Variants in POLD3 observed in about 807,000 individuals in gnomAD.
The protein encoded by POLD3 is DNA polymerase delta subunit 3.
Under a neutral mutation model 58.2 loss-of-function variants are expected in POLD3, and 19 were observed. The ratio of observed to expected loss-of-function variants is 0.33; its 90% confidence interval spans 0.23 to 0.48. The LOEUF (loss-of-function observed/expected upper bound fraction) is 0.48, where lower values mean the gene tolerates loss of function less well. Among genes scored for constraint, POLD3 ranks in the 20% least tolerant of loss-of-function variants. POLD3 has a pLI of 0.99. For synonymous variants in POLD3, 172 were observed against 193.5 expected (o/e 0.89, Z 0.92); for missense variants, 504 against 545.5 (o/e 0.92, Z 0.76).
intron 8 of POLD3, among the ~76,000 whole-genome samples, 182 bp downstream of exon 8, chr11:74,625,755 G>A (rs28669247): frequency 0.027 from 4,163 of 152,162 alleles, 224 homozygotes; most frequent in African/African-American, 0.095. Context: ...GAGTAGGACC[G>A]TAGGATCAGC....
At chr11:74,651,524 T>G (rs2033068503) in intron 4 of POLD3, among the ~76,000 whole-genome samples, 2 of 152,190 alleles carry the variant, frequency 1.3e-5, no homozygotes, top group Admixed American at 6.5e-5. Context: ...TGAACAATTA[T>G]GTAATGACCA....
intron 3 of POLD3, among the ~76,000 whole-genome samples, chr11:74,607,240 T>TATATA (rs761011170): frequency 9.2e-4 from 57 of 61,912 alleles, no homozygotes; most frequent in Non-Finnish European, 1.3e-3. Context: ...ATTATTATTA[T>TATATA]TATATATTTA....
intron 4 of POLD3, among the ~76,000 whole-genome samples, chr11:74,666,866 G>A (rs962286802): frequency 8.6e-5 from 13 of 151,548 alleles, no homozygotes; most frequent in Non-Finnish European, 1.2e-4. Flanking sequence ...AGACAGGCTG[G>A]TTATAGCATA....
chr11:74,628,555 C>G (rs1350140833), intron 8 of POLD3, among the ~76,000 whole-genome samples: 1 of 152,080 alleles, frequency 6.6e-6, no homozygotes, highest in Non-Finnish European at 1.5e-5. Context: ...GATGGAGTAT[C>G]CATTCATCCA....
rs2032899801 is a variant in POLD3, at chr11:74,641,016, G to C, written c.*250G>C. 1 of 1,139,394 alleles carries C rather than the reference G, an allele frequency of 8.8e-7. No homozygotes were observed. Among genetic ancestry groups the C allele is most frequent in the Non-Finnish European group, 1.1e-6 (1 of 929,732 alleles). 70.6% of individuals were successfully genotyped at this position (1,139,394 alleles called of 1,614,324 possible). A position where few individuals can be genotyped will look rare whatever the true frequency, so the allele number is the denominator to read the frequency against. Reference sequence around the variant, plus strand: ...ACAGTCTTTGACCTGTCCAGGAGAAGGATTTACTCCAAAATTATACTGGAA... The same window carrying C: ...ACAGTCTTTGACCTGTCCAGGAGAACGATTTACTCCAAAATTATACTGGAA... On this transcript the variant is annotated 3_prime_UTR_variant, in exon 12 of 12. Transcript: ENST00000263681.
chr11:74,666,463 A>G (rs2033269740), intron 4 of POLD3, among the ~76,000 whole-genome samples: 1 of 152,210 alleles, frequency 6.6e-6, no homozygotes, highest in African/African-American at 2.4e-5. Flanking sequence ...TCTACTAAAA[A>G]TACAAAAATT....
At chr11:74,610,701 A>G (rs2031881034) in intron 3 of POLD3, among the ~76,000 whole-genome samples, 1 of 151,806 alleles carries the variant, frequency 6.6e-6, no homozygotes, top group Non-Finnish European at 1.5e-5. Flanking sequence ...TTTGAATTAT[A>G]CTTAGGAAAT....
At chr11:74,606,474 A>G (rs2031680207) in intron 3 of POLD3, among the ~76,000 whole-genome samples, 2 of 152,332 alleles carry the variant, frequency 1.3e-5, no homozygotes, top group South Asian at 2.1e-4. Context: ...TCTTTAAAGC[A>G]GTGCTTTTTA....
At position 74,632,875 on chromosome 11, in the gene POLD3, A is replaced by ATTACAC. The variant is rs1157307914; in HGVS notation, c.1007-1708_1007-1707insTTACAC. On this transcript the variant is annotated intron_variant, in intron 9 of 11. Transcript: ENST00000263681. ...GTGGTGGTTTTCCTTTATTTAAGTA[A>ATTACAC]ATACACACACACACACACACACACA... Among the ~76,000 whole-genome samples the ATTACAC allele has an allele frequency of 2.6e-3, 152 of 59,244 alleles. 3 individuals are homozygous for ATTACAC. The highest frequency in any genetic ancestry group is 8.4e-3 in the African/African-American group (52 of 6,174). The allele number at this position is 59,244 out of a possible 152,430, so 38.9% of individuals were successfully genotyped here.
chr11:74,616,365 G>A (rs2032079406), intron 5 of POLD3, among the ~76,000 whole-genome samples: 1 of 152,218 alleles, frequency 6.6e-6, no homozygotes, highest in South Asian at 2.1e-4. Context: ...AAGAAGTGCC[G>A]TGACATGAAG....
At chr11:74,613,045 C>A (rs1466145267) in intron 5 of POLD3, 35 bp downstream of exon 5, 2 of 1,584,252 alleles carry the variant, frequency 1.3e-6, no homozygotes, top group South Asian at 2.3e-5. Flanking sequence ...GGCTTCTTTA[C>A]GAATTGATTT....
At chr11:74,665,113 AAAAAT>A (rs1396587898) in intron 4 of POLD3, among the ~76,000 whole-genome samples, 6 of 148,706 alleles carry the variant, frequency 4.0e-5, no homozygotes, top group East Asian at 2.0e-4. Context: ...AAATAAAAAT[AAAAAT>A]AAAATAAATA....
chr11:74,607,240 T>TATATATATATA (rs761011170), intron 3 of POLD3, among the ~76,000 whole-genome samples: 33 of 61,914 alleles, frequency 5.3e-4, no homozygotes, highest in African/African-American at 2.8e-3. Flanking sequence ...ATTATTATTA[T>TATATATATATA]TATATATTTA....
In POLD3 at chr11:74,594,087, A is replaced by C. The variant is rs748239457; in HGVS notation, c.87A>C (p.Thr29=). ...TGACATACAAATGGCTGAGCTATAC[A>C]CTAGGGGTTCATGTTAACCAGGCCA... ...KIVTYKWLSY[T]LGVHVNQAKQ... is the part of the protein sequence containing the mutation. The change falls in exon 2 of 12, where the codon ACA becomes ACC. Residue 29 remains threonine (T), a synonymous_variant. Transcript: ENST00000263681. The C allele has an allele frequency of 6.8e-6, 11 of 1,606,498 alleles. No individual in the cohort carries two copies. The highest frequency in any genetic ancestry group is 8.5e-6 in the Non-Finnish European group (10 of 1,173,318).
intron 7 of POLD3, among the ~76,000 whole-genome samples, chr11:74,622,604 C>T (rs939985117): frequency 6.6e-6 from 1 of 152,168 alleles, no homozygotes; most frequent in Non-Finnish European, 1.5e-5. Flanking sequence ...ATGACAAGAT[C>T]ATTACAATGA....
In POLD3 at chr11:74,592,599, G is replaced by T. The variant is rs1027414239; in HGVS notation, c.-60G>T. 2 of 1,602,854 alleles carry T rather than the reference G, an allele frequency of 1.2e-6. No individual in the cohort carries two copies. Among genetic ancestry groups the T allele is most frequent in the Non-Finnish European group, 1.7e-6 (2 of 1,172,634 alleles). On this transcript the variant is annotated 5_prime_UTR_variant, in exon 1 of 12. Coordinates refer to ENST00000263681, the MANE Select transcript of POLD3 (RefSeq NM_006591.3). ...GAGGGAGCAAAGACGTTTCCCGCCGGCGGGAGCTGTGGCTGTGATTGAGAG... is the reference window on the plus strand; with the variant it reads ...GAGGGAGCAAAGACGTTTCCCGCCGTCGGGAGCTGTGGCTGTGATTGAGAG...
chr11:74,663,299 C>G (rs1470523250), intron 4 of POLD3, among the ~76,000 whole-genome samples: 3 of 152,218 alleles, frequency 2.0e-5, no homozygotes, highest in African/African-American at 7.2e-5. Flanking sequence ...CTTGTCAGTT[C>G]TCTCCAAATG....
chr11:74,629,297 C>T lies in POLD3; in HGVS notation c.980C>T (p.Pro327Leu). ...MRKKRRRIKL[P>L]ESDSSEDEVF... is the part of the protein sequence containing the mutation. Reference sequence around the variant, plus strand: ...AAAAAGAGGAGAAGAATCAAACTTCCTGAATCTGATAGCAGTGAAGATGAA... The same window carrying T: ...AAAAAGAGGAGAAGAATCAAACTTCTTGAATCTGATAGCAGTGAAGATGAA... Residue 327 changes from proline to leucine, a missense_variant, in exon 9 of 12, where the codon CCT becomes CTT. Pro to Leu is a moderately conservative substitution (Grantham distance 98). Coordinates refer to ENST00000263681, the MANE Select transcript of POLD3 (RefSeq NM_006591.3). 1 of 1,605,932 alleles carries T rather than the reference C, an allele frequency of 6.2e-7. No individual in the cohort carries two copies. Among genetic ancestry groups the T allele is most frequent in the Non-Finnish European group, 8.5e-7 (1 of 1,174,426 alleles).
At chr11:74,653,838 T>A (rs1340656861) in intron 4 of POLD3, among the ~76,000 whole-genome samples, 2 of 152,158 alleles carry the variant, frequency 1.3e-5, no homozygotes, top group Non-Finnish European at 2.9e-5. Flanking sequence ...GACTGGGTAA[T>A]TTACAAGGAA....
Sources: gnomAD v4.1 joint callset for allele counts (sites outside exome capture counted in the v4.1 genomes callset) on GRCh38, gnomAD v4.1.1 for gene constraint, MANE v1.5 for transcripts, NCBI Gene and HGNC (gene_info 2026-07-23, HGNC 2026-07-21) for gene names.